WWP2: variants seen among roughly 807,000 people sequenced by gnomAD.
WWP2 encodes the protein NEDD4-like E3 ubiquitin-protein ligase WWP2.
A neutral mutation model predicts 121.0 loss-of-function variants in WWP2; 57 were observed. The ratio of observed to expected loss-of-function variants is 0.47; its 90% CI spans 0.38 to 0.59. The LOEUF (loss-of-function observed/expected upper bound fraction) is 0.59. WWP2 is among the 20% of genes least tolerant of loss of function. The pLI, the probability that WWP2 is intolerant of heterozygous loss-of-function variation, is 0.00. For missense variants in WWP2, 962 were observed against 1,158.9 expected (o/e 0.83, Z 2.47); for synonymous variants, 449 against 441.3 (o/e 1.02, Z -0.22).
rs2057117685 is a variant in WWP2, at chr16:69,847,997, T to C, written c.575+5877T>C. Among the ~76,000 whole-genome samples the C allele has an allele frequency of 2.0e-5, 3 of 152,198 alleles. No homozygotes were observed. In the South Asian group the frequency reaches 6.2e-4, roughly 31 times the overall value. ...ACCTCACGACTTCCTCTGGCTTGAA[T>C]AACTGGCTCCTCTGTCTAGAATCTC... On this transcript the variant is annotated intron_variant, in intron 6 of 23. Coordinates refer to ENST00000359154, the MANE Select transcript of WWP2 (RefSeq NM_001270454.2).
intron 4 of WWP2, among the ~76,000 whole-genome samples, chr16:69,833,518 G>A (rs550656277): frequency 4.1e-4 from 62 of 152,188 alleles, no homozygotes; most frequent in Non-Finnish European, 8.4e-4. Context: ...CACAGTCCCT[G>A]GGGACTTCCC....
chr16:69,819,392 A>C (rs964294680), intron 4 of WWP2, among the ~76,000 whole-genome samples: 2 of 152,018 alleles, frequency 1.3e-5, no homozygotes, highest in Non-Finnish European at 2.9e-5. Context: ...CATCTCAAAC[A>C]TGCTCCTCCG....
chr16:69,903,101 G>T (rs574349176), intron 8 of WWP2, among the ~76,000 whole-genome samples: 1 of 152,270 alleles, frequency 6.6e-6, no homozygotes, highest in South Asian at 2.1e-4. Context: ...AGTTGAGGGG[G>T]TTCATAGAAG....
intron 1 of WWP2, among the ~76,000 whole-genome samples, chr16:69,762,790 C>G (rs567180336): frequency 6.6e-6 from 1 of 152,102 alleles, no homozygotes; most frequent in Non-Finnish European, 1.5e-5. Context: ...GGGTTTATGG[C>G]GTGGAGCCAG....
Position 69,776,627 on chromosome 16 carries a change from C to T in WWP2, c.-15-10369C>T, listed in dbSNP as rs145803787. Reference sequence around the variant, plus strand: ...GGCGGATCACCTGAGGTCAGGTGTTCGAGACCAGCCTTAACATGGAGAAAC... The same window carrying T: ...GGCGGATCACCTGAGGTCAGGTGTTTGAGACCAGCCTTAACATGGAGAAAC... On this transcript the variant is annotated intron_variant, in intron 1 of 23. Transcript: ENST00000359154. Among the ~76,000 whole-genome samples the T allele has an allele frequency of 5.7e-3, 863 of 152,008 alleles. 7 individuals carry two copies. The highest frequency in any genetic ancestry group is 0.019 in the African/African-American group (805 of 41,474).
At chr16:69,876,663 C>T (rs2057741606) in intron 7 of WWP2, among the ~76,000 whole-genome samples, 1 of 152,174 alleles carries the variant, frequency 6.6e-6, no homozygotes, top group Admixed American at 6.6e-5. Context: ...TGTGCCCAGC[C>T]ATAAAATGTA....
chr16:69,867,307 G>T (rs2057544425), intron 6 of WWP2, among the ~76,000 whole-genome samples: 1 of 152,170 alleles, frequency 6.6e-6, no homozygotes, highest in Admixed American at 6.5e-5. Context: ...AAGCAGCATT[G>T]TGTGCTATGA....
intron 6 of WWP2, among the ~76,000 whole-genome samples, chr16:69,849,515 AG>A (rs2057160822): frequency 6.6e-6 from 1 of 151,502 alleles, no homozygotes; most frequent in African/African-American, 2.4e-5. Flanking sequence ...TCATTCATTC[AG>A]TTATAATTAA....
chr16:69,937,125 A>G lies in WWP2; in HGVS notation c.2125A>G (p.Thr709Ala). Reference sequence around the variant, plus strand: ...GCTGCTCTTTGGTCTCAGGCTGCTGACTGACTGGCGTTTCACCCGAGGCGT... The same window carrying G: ...GCTGCTCTTTGGTCTCAGGCTGCTGGCTGACTGGCGTTTCACCCGAGGCGT... Reference protein sequence around the residue: ...ENKEEYIMLLTDWRFTRGVEE... With the variant: ...ENKEEYIMLLADWRFTRGVEE... The change falls in exon 20 of 24, where the codon ACT becomes GCT. Residue 709 changes from threonine (T) to alanine (A), a missense_variant. By Grantham distance (58) the Thr-to-Ala change is moderately conservative (BLOSUM62 0). This residue lies in a region of WWP2 where 606 missense variants were observed against 772.6 expected (regional missense o/e 0.78). Coordinates refer to ENST00000359154, the MANE Select transcript of WWP2 (RefSeq NM_001270454.2). The surrounding 1 kb of genome is among the most constrained non-coding windows in gnomAD (Gnocchi z 6.6). The G allele has an allele frequency of 1.9e-6, 3 of 1,613,880 alleles. No individual in the cohort carries two copies. The highest frequency in any genetic ancestry group is 2.5e-6 in the Non-Finnish European group (3 of 1,179,910).
chr16:69,826,346 T>C (rs999226007), intron 4 of WWP2, among the ~76,000 whole-genome samples: 1 of 149,906 alleles, frequency 6.7e-6, no homozygotes, highest in African/African-American at 2.5e-5. Context: ...GGCAGGCAGA[T>C]CACAAGGCCA....
intron 4 of WWP2, among the ~76,000 whole-genome samples, chr16:69,820,317 C>G (rs2056569611): frequency 6.6e-6 from 1 of 152,210 alleles, no homozygotes; most frequent in African/African-American, 2.4e-5. Flanking sequence ...TCTCAGCTCA[C>G]TGCAACCTCC....
intron 7 of WWP2, among the ~76,000 whole-genome samples, chr16:69,876,150 G>A (rs1187870556): frequency 6.6e-6 from 1 of 151,954 alleles, no homozygotes; most frequent in Non-Finnish European, 1.5e-5. Context: ...TAGAGATGGG[G>A]TTTCATCATG....
Position 69,937,143 on chromosome 16 carries a change from C to T in WWP2, c.2143C>T (p.Arg715Ter). The part of the protein sequence containing the change: ...IMLLTDWRFT[R>*]GVEEQTKAFL... Reference sequence around the variant, plus strand: ...GCTGCTGACTGACTGGCGTTTCACCCGAGGCGTGGAAGAGCAGACCAAAGC... The same window carrying T: ...GCTGCTGACTGACTGGCGTTTCACCTGAGGCGTGGAAGAGCAGACCAAAGC... The change falls in exon 20 of 24, where the codon CGA becomes TGA. Residue 715 changes from arginine to a stop codon, truncating the protein, a stop_gained. Transcript: ENST00000359154. LOFTEE classifies it high-confidence loss of function. This position sits in a 1 kb window ranked among gnomAD's most constrained non-coding sequence, Gnocchi z 6.6. 5.0e-6 allele frequency: 8 copies of T among 1,613,894 alleles called. No homozygotes were observed. Among genetic ancestry groups the T allele is most frequent in the Non-Finnish European group, 6.8e-6 (8 of 1,179,928 alleles).
intron 7 of WWP2, among the ~76,000 whole-genome samples, chr16:69,883,244 C>T (rs1386799606): frequency 6.6e-6 from 1 of 152,098 alleles, no homozygotes; most frequent in African/African-American, 2.4e-5. Context: ...TATTTGAAGC[C>T]TCATTAGACT....
chr16:69,863,910 T>C (rs750146909), intron 6 of WWP2, among the ~76,000 whole-genome samples: 7 of 152,262 alleles, frequency 4.6e-5, no homozygotes, highest in African/African-American at 7.2e-5. Flanking sequence ...CTTTTATGCA[T>C]TGAGTTTATT....
intron 6 of WWP2, among the ~76,000 whole-genome samples, chr16:69,849,638 G>C (rs1300496255): frequency 1.3e-5 from 2 of 152,084 alleles, no homozygotes; most frequent in Non-Finnish European, 2.9e-5. Context: ...CATTCTCCAA[G>C]CCAGACGTTG....
intron 7 of WWP2, among the ~76,000 whole-genome samples, chr16:69,884,397 G>A (rs543017920): frequency 3.6e-4 from 55 of 152,304 alleles, no homozygotes; most frequent in African/African-American, 1.2e-3. Context: ...GCTGAGGTGG[G>A]AGGATCGCTT....
chr16:69,937,772 C>T lies in WWP2; in HGVS notation c.2343+120C>T. The T allele has an allele frequency of 1.1e-6, 1 of 902,198 alleles. No individual in the cohort carries two copies. The highest frequency in any genetic ancestry group is 1.5e-5 in the South Asian group (1 of 64,616). 55.9% of individuals were successfully genotyped at this position (902,198 alleles called of 1,614,324 possible). On this transcript the variant is annotated intron_variant, in intron 21 of 23. Coordinates refer to ENST00000359154, the MANE Select transcript of WWP2 (RefSeq NM_001270454.2). This position sits in a 1 kb window ranked among gnomAD's most constrained non-coding sequence, Gnocchi z 6.6. ...TTGGCCCTGTCCTTGCCTCCCACACCTTGCAAAAGGAGACGATAGACCAGC... is the reference window on the plus strand; with the variant it reads ...TTGGCCCTGTCCTTGCCTCCCACACTTTGCAAAAGGAGACGATAGACCAGC...
rs983095247 is a variant in WWP2, at chr16:69,917,731, C to T, written c.1027C>T (p.Arg343Ter). ...CAGCTGGGAAAAACGCACAGATCCC[C>T]GAGGCAGGTTTTACTATGTGGATCA... is the stretch of plus-strand genomic sequence containing the variant. The part of the protein sequence containing the change: ...PPGWEKRTDP[R>*]GRFYYVDHNT... Residue 343 changes from arginine (R) to a stop codon, truncating the protein, a stop_gained, in exon 10 of 24, where the codon CGA becomes TGA. Transcript: ENST00000359154. LOFTEE classifies it high-confidence loss of function. 3 of 1,604,840 alleles carry T rather than the reference C, an allele frequency of 1.9e-6. No individual in the cohort carries two copies. The highest frequency in any genetic ancestry group is 2.2e-5 in the East Asian group (1 of 44,576).
Sources: allele counts gnomAD v4.1 joint callset (sites outside exome capture counted in the v4.1 genomes callset), GRCh38; gene constraint gnomAD v4.1.1; regional missense constraint gnomAD v4.1.1; non-coding constraint Gnocchi (gnomAD v3.1); transcripts MANE v1.5; gene names NCBI Gene and HGNC (gene_info 2026-07-23, HGNC 2026-07-21).